Variants in PTPRD observed in about 807,000 individuals in gnomAD.
PTPRD encodes the protein receptor-type tyrosine-protein phosphatase delta.
Under a neutral mutation model 214.5 loss-of-function variants are expected in PTPRD, and 34 were observed. The observed-to-expected ratio is 0.16, with a 90% CI of 0.12 to 0.21. The LOEUF is 0.21. Ranked by LOEUF, PTPRD falls within the 10% of genes least tolerant of loss-of-function variation. The probability of loss-of-function intolerance (pLI) is 1.00; values close to 1 mark genes in which losing one functional copy is unlikely to be tolerated. For missense variants in PTPRD, 2,545 were observed against 2,398.7 expected (o/e 1.06, Z -1.27); for synonymous variants, 1,128 against 845.7 (o/e 1.33, Z -5.79).
Position 9,710,174 on chromosome 9 carries a change from T to C in PTPRD, c.-287+24359A>G, listed in dbSNP as rs74966503. ...ACATTTTAGTACTTAGTATCATTTG[T>C]TACAAAATTATAATGAAGGTAAGAG... On this transcript the variant is annotated intron_variant, in intron 7 of 45. Transcript: ENST00000381196. Among the ~76,000 whole-genome samples, 788 of 152,246 alleles carry C rather than the reference T, an allele frequency of 5.2e-3. 6 individuals are homozygous for C. The highest frequency in any genetic ancestry group is 7.7e-3 in the Non-Finnish European group (525 of 67,954).
At chr9:10,259,977 C>T (rs770948279) in intron 3 of PTPRD, among the ~76,000 whole-genome samples, 7 of 152,182 alleles carry the variant, frequency 4.6e-5, no homozygotes, top group Non-Finnish European at 5.9e-5. Context: ...GAGCTGAGTT[C>T]ATCTCAGGTT....
intron 5 of PTPRD, among the ~76,000 whole-genome samples, chr9:9,910,406 T>C (rs2078858603): frequency 6.6e-6 from 1 of 151,950 alleles, no homozygotes; most frequent in Non-Finnish European, 1.5e-5. Context: ...GAGTATGCAG[T>C]TCTGTTCAAA....
At chr9:10,529,156 G>T (rs1472481987) in intron 2 of PTPRD, among the ~76,000 whole-genome samples, 1 of 151,994 alleles carries the variant, frequency 6.6e-6, no homozygotes, top group Non-Finnish European at 1.5e-5. Flanking sequence ...TTAAATGCAA[G>T]AACTCAACTA....
At chr9:8,919,420 T>G (rs1449192994) in intron 11 of PTPRD, among the ~76,000 whole-genome samples, 6 of 151,834 alleles carry the variant, frequency 4.0e-5, no homozygotes, top group Non-Finnish European at 7.4e-5. Context: ...TCAACCAGAT[T>G]TATCTAATTT....
chr9:8,471,828 G>C (rs530607884), intron 30 of PTPRD, among the ~76,000 whole-genome samples: 4 of 152,060 alleles, frequency 2.6e-5, no homozygotes, highest in Admixed American at 6.6e-5. Context: ...AAATAGGTAT[G>C]GGTTATTTGT....
intron 30 of PTPRD, among the ~76,000 whole-genome samples, chr9:8,476,609 C>T (rs530613408): frequency 1.3e-5 from 2 of 152,198 alleles, no homozygotes; most frequent in African/African-American, 2.4e-5. Flanking sequence ...AAACCTATTA[C>T]CCCCATTATA....
chr9:9,111,769 T>G (rs2099806404), intron 10 of PTPRD, among the ~76,000 whole-genome samples: 1 of 152,128 alleles, frequency 6.6e-6, no homozygotes, highest in South Asian at 2.1e-4. Context: ...GTGGAGACGC[T>G]TGAGGAAAAC....
chr9:9,196,099 A>G (rs1457486546), intron 9 of PTPRD, among the ~76,000 whole-genome samples: 1 of 152,166 alleles, frequency 6.6e-6, no homozygotes, highest in Non-Finnish European at 1.5e-5. Flanking sequence ...AGGACTTAGC[A>G]TACCTGACCT....
chr9:10,565,982 C>A (rs1440156454), intron 2 of PTPRD, among the ~76,000 whole-genome samples: 1 of 151,938 alleles, frequency 6.6e-6, no homozygotes, highest in African/African-American at 2.4e-5. Flanking sequence ...TATTTACATC[C>A]TTAACATTAT....
At chr9:9,508,510 A>C (rs1293467013) in intron 8 of PTPRD, among the ~76,000 whole-genome samples, 2 of 151,730 alleles carry the variant, frequency 1.3e-5, no homozygotes, top group Admixed American at 6.6e-5. Flanking sequence ...ATTTCTCCCC[A>C]TAATCTACTT....
chr9:10,012,003 A>G (rs1417921990), intron 4 of PTPRD, among the ~76,000 whole-genome samples: 2 of 152,086 alleles, frequency 1.3e-5, no homozygotes, highest in East Asian at 1.9e-4. Flanking sequence ...TTTTTATCAC[A>G]TTAAATCCTT....
chr9:9,050,385 C>T (rs1447145209), intron 10 of PTPRD, among the ~76,000 whole-genome samples: 4 of 152,076 alleles, frequency 2.6e-5, no homozygotes, highest in Admixed American at 6.6e-5. Context: ...GAACCATGGA[C>T]GTTTCCCTTT....
chr9:10,603,861 C>A (rs376564906), intron 2 of PTPRD, among the ~76,000 whole-genome samples: 25 of 151,964 alleles, frequency 1.6e-4, no homozygotes, highest in African/African-American at 6.0e-4. Context: ...TTACATACTT[C>A]TTTTAATCCC....
intron 11 of PTPRD, among the ~76,000 whole-genome samples, chr9:8,767,125 T>C (rs998372595): frequency 3.9e-5 from 6 of 152,134 alleles, no homozygotes; most frequent in Non-Finnish European, 8.8e-5. Context: ...CACTTTTTTT[T>C]CTTTTTTTTG....
Position 8,389,419 on chromosome 9 carries a change from G to C in PTPRD, c.4211-12C>G, listed in dbSNP as rs775216374. On this transcript the variant is annotated splice_polypyrimidine_tract_variant and intron_variant, in intron 36 of 45. Transcript: ENST00000381196. ...ACTTCCTGGGATCCCTGGAAAACAAGGAGTGTTATTCAACCAGGTGAGCAC... is the reference window on the plus strand; with the variant it reads ...ACTTCCTGGGATCCCTGGAAAACAACGAGTGTTATTCAACCAGGTGAGCAC... The C allele has an allele frequency of 1.9e-6, 3 of 1,601,492 alleles. No individual in the cohort carries two copies. The highest frequency in any genetic ancestry group is 1.3e-5 in the African/African-American group (1 of 74,372).
In PTPRD at chr9:9,105,817, T is replaced by C. The variant is rs2099797672; in HGVS notation, c.-143+77487A>G. Among the ~76,000 whole-genome samples, 3 of 152,078 alleles carry C rather than the reference T, an allele frequency of 2.0e-5. No homozygotes were observed. In the South Asian group the frequency reaches 6.2e-4, roughly 31 times the overall value. ...CTTAAGTGTCAGTACCATTTTGGGG[T>C]CTGAACTTTTATATTTCTGACTTCC... On this transcript the variant is annotated intron_variant, in intron 10 of 45. Coordinates refer to ENST00000381196, the MANE Select transcript of PTPRD (RefSeq NM_002839.4).
At chr9:9,573,491 C>A (rs1346435224) in intron 8 of PTPRD, among the ~76,000 whole-genome samples, 1 of 150,824 alleles carries the variant, frequency 6.6e-6, no homozygotes, top group African/African-American at 2.4e-5. Context: ...AAACTGCGCA[C>A]TTAAGATATA....
At chr9:8,970,917 A>ACACAAAACAACAAC (rs35506188) in intron 11 of PTPRD, among the ~76,000 whole-genome samples, 1 of 149,576 alleles carries the variant, frequency 6.7e-6, no homozygotes, top group African/African-American at 2.5e-5. Flanking sequence ...AAACAAAACA[A>ACACAAAACAACAAC]AACAACAACA....
chr9:9,730,803 GC>G (rs2098176221), intron 7 of PTPRD, among the ~76,000 whole-genome samples: 1 of 152,080 alleles, frequency 6.6e-6, no homozygotes, highest in South Asian at 2.1e-4. Flanking sequence ...ATATTAAAAT[GC>G]CCTTTACAAA....
Sources: allele counts gnomAD v4.1 joint callset (sites outside exome capture counted in the v4.1 genomes callset), GRCh38; gene constraint gnomAD v4.1.1; transcripts MANE v1.5; gene names NCBI Gene and HGNC (gene_info 2026-07-23, HGNC 2026-07-21).